Variants in LRFN1 observed in about 807,000 individuals in gnomAD.
LRFN1 encodes leucine-rich repeat and fibronectin type III domain-containing protein 1.
In LRFN1, 20 loss-of-function variants were observed where a neutral mutation model predicts 31.8. That is an observed-to-expected ratio of 0.63 (90% CI 0.44 to 0.91). The LOEUF is 0.91. Among genes scored for constraint, LRFN1 ranks in the 40% least tolerant of loss-of-function variants. The pLI is 0.00. For synonymous variants in LRFN1, 514 were observed against 541.3 expected (o/e 0.95, Z 0.70); for missense variants, 912 against 1,129.8 (o/e 0.81, Z 2.76).
intron 2 of LRFN1, among the ~76,000 whole-genome samples, chr19:39,318,039 C>T (rs2075177050): frequency 6.6e-6 from 1 of 152,098 alleles, no homozygotes; most frequent in Non-Finnish European, 1.5e-5. Flanking sequence ...ACCTTGCTTT[C>T]CCAAACACCT....
chr19:39,313,716 G>C (rs1347298748), intron 4 of LRFN1, among the ~76,000 whole-genome samples: 1 of 152,170 alleles, frequency 6.6e-6, no homozygotes, highest in African/African-American at 2.4e-5. Context: ...AGCCCTGGTC[G>C]GGTTCATGTA....
rs897294404 is a variant in LRFN1, at chr19:39,314,962, C to T, written c.375G>A (p.Leu125=). The change falls in exon 4 of 5, where the codon CTG becomes CTA. Residue 125 remains leucine (L), a synonymous_variant. Coordinates refer to ENST00000248668, the MANE Select transcript of LRFN1 (RefSeq NM_020862.2). The part of the protein sequence containing the change: ...LRALHLDSNR[L]AEVRGDQLRG... Reference sequence around the variant, plus strand: ...GGAGCTGGTCGCCGCGCACCTCCGCCAGGCGGTTGCTGTCCAGGTGCAGGG... The same window carrying T: ...GGAGCTGGTCGCCGCGCACCTCCGCTAGGCGGTTGCTGTCCAGGTGCAGGG... The T allele has an allele frequency of 8.2e-6, 13 of 1,593,640 alleles. No homozygotes were observed. The highest frequency in any genetic ancestry group is 3.3e-4 in the Middle Eastern group (2 of 6,030).
chr19:39,310,643 AAG>A (rs2075147279), intron 4 of LRFN1, among the ~76,000 whole-genome samples: 1 of 152,030 alleles, frequency 6.6e-6, no homozygotes, highest in African/African-American at 2.4e-5. Context: ...TTCTCCAGCA[AAG>A]ACTCTTGGTG....
chr19:39,307,622 C>T lies in LRFN1; in HGVS notation c.*11G>A. ...CTGCGGCACCCAGGCGTCCCGGCGC[C>T]CGCCCGCCGCTCACACGGTACTCTC... On this transcript the variant is annotated 3_prime_UTR_variant, in exon 5 of 5. Transcript: ENST00000248668. The surrounding 1 kb of genome is among the most constrained non-coding windows in gnomAD (Gnocchi z 6.7). 1 of 1,387,478 alleles carries T rather than the reference C, an allele frequency of 7.2e-7. No individual in the cohort carries two copies. The highest frequency in any genetic ancestry group is 9.3e-7 in the Non-Finnish European group (1 of 1,078,268). 85.9% of individuals were successfully genotyped at this position (1,387,478 alleles called of 1,614,324 possible).
rs954208526 is a variant in LRFN1, at chr19:39,307,876, A to G, written c.2073T>C (p.Pro691=). The change falls in exon 5 of 5, where the codon CCT becomes CCC. Residue 691 remains proline, a synonymous_variant. Coordinates refer to ENST00000248668, the MANE Select transcript of LRFN1 (RefSeq NM_020862.2). This position sits in a 1 kb window ranked among gnomAD's most constrained non-coding sequence, Gnocchi z 6.7. ...GCCTCGGCCGGGCCGCGGCTCCCCC[A>G]GGAACTAGAGCTAGAGTAGGGGGCG... is the stretch of plus-strand genomic sequence containing the variant. The part of the protein sequence containing the change: ...TSAPPTLALV[P]GGAAARPRPQ... 2 of 1,542,642 alleles carry G rather than the reference A, an allele frequency of 1.3e-6. No individual in the cohort carries two copies. The highest frequency in any genetic ancestry group is 1.4e-5 in the African/African-American group (1 of 70,730).
At position 39,308,161 on chromosome 19, in the gene LRFN1, G is replaced by C. The variant is rs1377724525; in HGVS notation, c.1788C>G (p.Ala596=). ...AGTGGTCCTGGGCCGGCAGGGCCGG[G>C]GCCTGTGCCGCGCCTGTGCCTGCGC... The part of the protein sequence containing the change: ...TNGAGTGAAQ[A]PALPAQDHYE... The change falls in exon 5 of 5, where the codon GCC becomes GCG. Residue 596 remains alanine (A), a synonymous_variant. Transcript: ENST00000248668. The surrounding 1 kb of genome is among the most constrained non-coding windows in gnomAD (Gnocchi z 6.2). 3.2e-6 allele frequency: 5 copies of C among 1,565,160 alleles called. No homozygotes were observed.
Position 39,314,499 on chromosome 19 carries a change from G to T in LRFN1, c.838C>A (p.His280Asn). The stretch of plus-strand genomic sequence containing the variant: ...GACCAGAAGTAGCGGTCGGTGAGGT[G>T]TTCGGGCGTGGCGCAGGTCTCTAAG... ...DDLETCATPE[H>N]LTDRYFWSIP... The change falls in exon 4 of 5, where the codon CAC (histidine) becomes AAC (asparagine). Residue 280 changes from histidine to asparagine, a missense_variant. Around this residue, in one of 2 missense-constraint regions of LRFN1, gnomAD observed 401 missense variants for 572.7 expected, o/e 0.70. Transcript: ENST00000248668. 2 of 1,610,538 alleles carry T rather than the reference G, an allele frequency of 1.2e-6. No homozygotes were observed. Among genetic ancestry groups the T allele is most frequent in the South Asian group, 2.2e-5 (2 of 90,772 alleles).
chr19:39,316,023 T>G (rs1009878621), intron 3 of LRFN1, 59 bp downstream of exon 3: 10 of 152,144 alleles, frequency 6.6e-5, no homozygotes, highest in Admixed American at 4.6e-4. Context: ...AACTATGGTT[T>G]AAGGCCCTGG....
chr19:39,316,697 A>AAC (rs139748268), intron 2 of LRFN1, among the ~76,000 whole-genome samples: 109 of 151,230 alleles, frequency 7.2e-4, no homozygotes, highest in Admixed American at 1.5e-3. Flanking sequence ...GGGTACACAC[A>AAC]ACACACACAC....
At position 39,315,162 on chromosome 19, in the gene LRFN1, C is replaced by A; in HGVS notation, c.175G>T (p.Val59Leu). ...ACGCGCCGGTCGATGGCGGGCGGCA[C>A]AAAGAGCAAGCCGGTCTTGGCGCAC... ...MLCAKTGLLFVPPAIDRRVVE... is the reference protein window; with the variant it reads ...MLCAKTGLLFLPPAIDRRVVE... Residue 59 changes from valine (V) to leucine (L), a missense_variant, in exon 4 of 5, where the codon GTG becomes TTG. Around this residue, in one of 2 missense-constraint regions of LRFN1, gnomAD observed 401 missense variants for 572.7 expected, o/e 0.70. Transcript: ENST00000248668. The surrounding 1 kb of genome is among the most constrained non-coding windows in gnomAD (Gnocchi z 4.7). The A allele has an allele frequency of 6.3e-7, 1 of 1,589,896 alleles. No homozygotes were observed. The highest frequency in any genetic ancestry group is 8.5e-7 in the Non-Finnish European group (1 of 1,175,104).
chr19:39,312,250 G>A (rs2075153229), intron 4 of LRFN1, among the ~76,000 whole-genome samples: 1 of 151,958 alleles, frequency 6.6e-6, no homozygotes, highest in African/African-American at 2.4e-5. Context: ...ACACTGGAAA[G>A]GCAGAGATGG....
intron 2 of LRFN1, among the ~76,000 whole-genome samples, chr19:39,316,522 C>G (rs2075172517): frequency 6.6e-6 from 1 of 152,144 alleles, no homozygotes; most frequent in South Asian, 2.1e-4. Context: ...GGGTTTCCCC[C>G]CTCCCGCCTC....
In LRFN1 at chr19:39,308,171, G is replaced by C. The variant is rs2075136838; in HGVS notation, c.1778C>G (p.Ala593Gly). The change falls in exon 5 of 5, where the codon GCG becomes GGG. Residue 593 changes from alanine (A) to glycine (G), a missense_variant. This residue lies in a region of LRFN1 where 511 missense variants were observed against 557.0 expected (regional missense o/e 0.92). Transcript: ENST00000248668. This position sits in a 1 kb window ranked among gnomAD's most constrained non-coding sequence, Gnocchi z 6.2. Reference protein sequence around the residue: ...CSQTNGAGTGAAQAPALPAQD... With the variant: ...CSQTNGAGTGGAQAPALPAQD... ...GGCCGGCAGGGCCGGGGCCTGTGCCGCGCCTGTGCCTGCGCCGTTGGTCTG... is the reference window on the plus strand; with the variant it reads ...GGCCGGCAGGGCCGGGGCCTGTGCCCCGCCTGTGCCTGCGCCGTTGGTCTG... 6.3e-7 allele frequency: 1 copy of C among 1,576,118 alleles called. No homozygotes were observed. The highest frequency in any genetic ancestry group is 8.6e-7 in the Non-Finnish European group (1 of 1,160,616).
chr19:39,314,057 C>T lies in LRFN1; in HGVS notation c.1280G>A (p.Arg427Gln), dbSNP rs1568569331. The change falls in exon 4 of 5, where the codon CGG becomes CAG. Residue 427 changes from arginine to glutamine, a missense_variant. Around this residue, in one of 2 missense-constraint regions of LRFN1, gnomAD observed 511 missense variants for 557.0 expected, o/e 0.92. Coordinates refer to ENST00000248668, the MANE Select transcript of LRFN1 (RefSeq NM_020862.2). ...PGANDSAAER[R>Q]LVAAELTSNS... is the part of the protein sequence containing the mutation. ...CGAGGTGAGCTCGGCTGCCACGAGC[C>T]GACGCTCAGCCGCAGAATCGTTGGC... 6 of 1,611,986 alleles carry T rather than the reference C, an allele frequency of 3.7e-6. No homozygotes were observed. The highest frequency in any genetic ancestry group is 1.1e-5 in the South Asian group (1 of 91,042).
In LRFN1 at chr19:39,308,083, C is replaced by G; in HGVS notation, c.1866G>C (p.Glu622Asp). The change falls in exon 5 of 5, where the codon GAG becomes GAC. Residue 622 changes from glutamate (E) to aspartate (D), a missense_variant. By Grantham distance (45) the Glu-to-Asp change is conservative (BLOSUM62 2). This residue lies in a region of LRFN1 where 511 missense variants were observed against 557.0 expected (regional missense o/e 0.92). Coordinates refer to ENST00000248668, the MANE Select transcript of LRFN1 (RefSeq NM_020862.2). This position sits in a 1 kb window ranked among gnomAD's most constrained non-coding sequence, Gnocchi z 6.2. The stretch of plus-strand genomic sequence containing the variant: ...CCGTCTCGGCCTCCATGGCCTTGGC[C>G]TCGACGGCGACGGCGGGGGCAGCCT... ...ESQAAPAVAV[E>D]AKAMEAETAS... 6.7e-7 allele frequency: 1 copy of G among 1,499,842 alleles called. No individual in the cohort carries two copies. Among genetic ancestry groups the G allele is most frequent in the Non-Finnish European group, 8.8e-7 (1 of 1,130,934 alleles). 92.9% of individuals were successfully genotyped at this position (1,499,842 alleles called of 1,614,324 possible).
At chr19:39,319,504 A>G (rs1355989155) in intron 1 of LRFN1, among the ~76,000 whole-genome samples, 1 of 152,180 alleles carries the variant, frequency 6.6e-6, no homozygotes, top group Non-Finnish European at 1.5e-5. Context: ...GAACACGCAC[A>G]CAGGCACAAA....
chr19:39,320,095 G>T (rs1214232068), intron 1 of LRFN1, among the ~76,000 whole-genome samples: 3 of 118,438 alleles, frequency 2.5e-5, no homozygotes, highest in African/African-American at 1.0e-4. Flanking sequence ...CCTCCTGGCC[G>T]CCCATCCCCC....
chr19:39,308,084 TCGACGG>T lies in LRFN1; in HGVS notation c.1859_1864del (p.Ala620_Val621del), dbSNP rs2075136267. On this transcript the variant is annotated inframe_deletion, in exon 5 of 5. Transcript: ENST00000248668. This position sits in a 1 kb window ranked among gnomAD's most constrained non-coding sequence, Gnocchi z 6.2. ...CGTCTCGGCCTCCATGGCCTTGGCCTCGACGGCGACGGCGGGGGCAGCCTGGGACTC... is the reference window on the plus strand; with the variant it reads ...CGTCTCGGCCTCCATGGCCTTGGCCTCGACGGCGGGGGCAGCCTGGGACTC... The T allele has an allele frequency of 6.7e-7, 1 of 1,499,254 alleles. No individual in the cohort carries two copies. The highest frequency in any genetic ancestry group is 2.3e-5 in the Admixed American group (1 of 44,094). The allele number at this position is 1,499,254 out of a possible 1,614,324, so 92.9% of individuals were successfully genotyped here.
Position 39,308,566 on chromosome 19 carries a change from G to A in LRFN1, c.1407-24C>T. 1.9e-6 allele frequency: 3 copies of A among 1,540,208 alleles called. No homozygotes were observed. The South Asian group carries it at 3.6e-5, about 18-fold the overall frequency. ...TCCTGTAGGAGGGGGCGGGTTCAGG[G>A]CGGGGTTAGTCCCCCCGAACCACGC... On this transcript the variant is annotated intron_variant, in intron 4 of 4. Transcript: ENST00000248668. This position sits in a 1 kb window ranked among gnomAD's most constrained non-coding sequence, Gnocchi z 6.2.
Sources: allele counts gnomAD v4.1 joint callset (sites outside exome capture counted in the v4.1 genomes callset), GRCh38; gene constraint gnomAD v4.1.1; regional missense constraint gnomAD v4.1.1; non-coding constraint Gnocchi (gnomAD v3.1); transcripts MANE v1.5; gene names NCBI Gene and HGNC (gene_info 2026-07-23, HGNC 2026-07-21).